Variants in SCMH1 observed in about 807,000 individuals in gnomAD.
SCMH1 encodes the protein Scm polycomb group protein homolog 1, also known as polycomb protein SCMH1.
In SCMH1, 37 loss-of-function variants were observed where a neutral mutation model predicts 70.8. The observed-to-expected ratio is 0.52, with a 90% CI of 0.40 to 0.69. The LOEUF (loss-of-function observed/expected upper bound fraction) is 0.69. Among genes scored for constraint, SCMH1 ranks in the 30% least tolerant of loss-of-function variants. The probability of loss-of-function intolerance (pLI) is 0.00; values close to 1 mark genes in which losing one functional copy is unlikely to be tolerated. For missense variants in SCMH1, 607 were observed against 827.3 expected (o/e 0.73, Z 3.27); for synonymous variants, 292 against 307.4 (o/e 0.95, Z 0.52).
At chr1:41,128,534 G>C (rs1673803270) in intron 6 of SCMH1, among the ~76,000 whole-genome samples, 2 of 152,122 alleles carry the variant, frequency 1.3e-5, no homozygotes, top group East Asian at 3.9e-4. Flanking sequence ...GTCATTCTTT[G>C]TTCTTCTATA....
At chr1:41,134,584 T>C (rs1642965172) in intron 6 of SCMH1, among the ~76,000 whole-genome samples, 1 of 152,240 alleles carries the variant, frequency 6.6e-6, no homozygotes, top group Non-Finnish European at 1.5e-5. Flanking sequence ...AGTCTCAGGA[T>C]ACAAAGTCAA....
intron 1 of SCMH1, among the ~76,000 whole-genome samples, chr1:41,205,696 C>T (rs1655378261): frequency 6.6e-6 from 1 of 152,220 alleles, no homozygotes; most frequent in Admixed American, 6.5e-5. Context: ...ACAACTTCTG[C>T]AGATTTAAAC....
intron 4 of SCMH1, chr1:41,152,760 C>A: frequency 1.3e-6 from 2 of 1,587,356 alleles, no homozygotes; most frequent in South Asian, 2.3e-5. Flanking sequence ...AAAAATGAGT[C>A]ACTGAATGAA....
intron 2 of SCMH1, among the ~76,000 whole-genome samples, chr1:41,185,636 A>ATT (rs35853628): frequency 0.077 from 10,693 of 139,718 alleles, 529 homozygotes; most frequent in South Asian, 0.12. Context: ...ATTGTTACAG[A>ATT]TTTTTTTTTT....
chr1:41,238,630 C>T (rs1662866613), intron 1 of SCMH1, among the ~76,000 whole-genome samples: 1 of 152,176 alleles, frequency 6.6e-6, no homozygotes, highest in Admixed American at 6.5e-5. Context: ...ACTCTCTACA[C>T]AGATGACTCA....
chr1:41,084,748 C>T (rs1275386269), intron 8 of SCMH1, among the ~76,000 whole-genome samples: 1 of 151,874 alleles, frequency 6.6e-6, no homozygotes, highest in African/African-American at 2.4e-5. Flanking sequence ...CAATGATAGA[C>T]TGGATTAAGA....
At chr1:41,106,662 T>G (rs1031017229) in intron 8 of SCMH1, among the ~76,000 whole-genome samples, 4 of 151,792 alleles carry the variant, frequency 2.6e-5, no homozygotes, top group Admixed American at 6.6e-5. Flanking sequence ...CTCCTCTACT[T>G]ACACCCTACA....
rs571912801 is a variant in SCMH1, at chr1:41,046,374, C to A, written c.1498+33G>T. On this transcript the variant is annotated intron_variant, in intron 12 of 14. Transcript: ENST00000337495. ...AGGTGCTGCTGCTAGCCCTGTCCCC[C>A]ACTCTCAGCCCAGGCCCCATCCCAG... 5 of 1,597,990 alleles carry A rather than the reference C, an allele frequency of 3.1e-6. No individual in the cohort carries two copies. In the Admixed American group the frequency reaches 5.0e-5, roughly 16 times the overall value.
chr1:41,154,231 G>C (rs1016299440), intron 4 of SCMH1, among the ~76,000 whole-genome samples: 1 of 152,114 alleles, frequency 6.6e-6, no homozygotes, highest in Non-Finnish European at 1.5e-5. Flanking sequence ...TTATTCAGTA[G>C]GCTCCAAGTG....
intron 10 of SCMH1, among the ~76,000 whole-genome samples, chr1:41,062,717 G>C (rs12044302): frequency 0.11 from 16,269 of 147,354 alleles, 1,265 homozygotes; most frequent in East Asian, 0.28. Context: ...CCAGCCTGGG[G>C]GACAGAGAGA....
At chr1:41,147,949 A>C (rs992390299) in intron 5 of SCMH1, among the ~76,000 whole-genome samples, 3 of 152,156 alleles carry the variant, frequency 2.0e-5, no homozygotes, top group Non-Finnish European at 4.4e-5. Context: ...GCAGTATATA[A>C]TTGGGTTTTG....
At chr1:41,135,563 C>T (rs1643156789) in intron 6 of SCMH1, among the ~76,000 whole-genome samples, 1 of 152,176 alleles carries the variant, frequency 6.6e-6, no homozygotes, top group Non-Finnish European at 1.5e-5. Context: ...TGAGGCCTCC[C>T]TAGCCATGCT....
At chr1:41,037,489 T>A in exon 13 of SCMH1, 1 of 1,614,236 alleles carries the variant, frequency 6.2e-7, no homozygotes, top group Non-Finnish European at 8.5e-7. Flanking sequence ...CCATTGAGTC[T>A]GAGTGTGGTT....
At chr1:41,088,107 C>G (rs184254414) in intron 8 of SCMH1, among the ~76,000 whole-genome samples, 9 of 151,816 alleles carry the variant, frequency 5.9e-5, no homozygotes, top group South Asian at 2.1e-4. Context: ...GGAGTGACTC[C>G]CAGGGTATAC....
At chr1:41,229,756 T>C (rs1274161551) in intron 1 of SCMH1, among the ~76,000 whole-genome samples, 2 of 151,932 alleles carry the variant, frequency 1.3e-5, no homozygotes, top group Non-Finnish European at 2.9e-5. Context: ...AAAAATAAGA[T>C]TGGCAAGACC....
chr1:41,158,828 T>A (rs534783230), intron 4 of SCMH1, among the ~76,000 whole-genome samples: 1 of 152,098 alleles, frequency 6.6e-6, no homozygotes, highest in African/African-American at 2.4e-5. Flanking sequence ...AGAGTGGCAA[T>A]GAGAAGGCAG....
intron 8 of SCMH1, among the ~76,000 whole-genome samples, chr1:41,076,825 G>C (rs1658417496): frequency 6.6e-6 from 1 of 152,132 alleles, no homozygotes; most frequent in Non-Finnish European, 1.5e-5. Context: ...AATTAGGTTA[G>C]AGAGTGAGTA....
intron 8 of SCMH1, among the ~76,000 whole-genome samples, chr1:41,099,470 C>G (rs1362835104): frequency 2.0e-5 from 3 of 152,190 alleles, no homozygotes; most frequent in African/African-American, 7.2e-5. Context: ...TAATTTACCC[C>G]ATATTCACAA....
At chr1:41,191,752 TA>T (rs1397979549) in intron 1 of SCMH1, among the ~76,000 whole-genome samples, 1 of 152,112 alleles carries the variant, frequency 6.6e-6, no homozygotes, top group Non-Finnish European at 1.5e-5. Flanking sequence ...TGTATTTTTT[TA>T]AAAAAATTGT....
Sources: allele counts gnomAD v4.1 joint callset (sites outside exome capture counted in the v4.1 genomes callset), GRCh38; gene constraint gnomAD v4.1.1; transcripts MANE v1.5; gene names NCBI Gene and HGNC (gene_info 2026-07-23, HGNC 2026-07-21).